FUBP3: variants seen among roughly 807,000 people sequenced by gnomAD.
FUBP3 encodes the protein far upstream element binding protein 3.
Under a neutral mutation model 85.6 loss-of-function variants are expected in FUBP3, and 28 were observed. That is an observed-to-expected ratio of 0.33 (90% CI 0.24 to 0.45). The LOEUF (loss-of-function observed/expected upper bound fraction) is 0.45, where lower values mean the gene tolerates loss of function less well. FUBP3 is among the 20% of genes least tolerant of loss of function. FUBP3 has a pLI of 1.00. For synonymous variants in FUBP3, 271 were observed against 271.4 expected, an observed-to-expected ratio of 1.00 and a Z score of 0.01; for missense variants, 583 against 755.1, an observed-to-expected ratio of 0.77 and a Z score of 2.67.
intron 2 of FUBP3, among the ~76,000 whole-genome samples, chr9:130,602,280 G>A (rs1256947245): frequency 6.6e-6 from 1 of 152,184 alleles, no homozygotes; most frequent in Non-Finnish European, 1.5e-5. Flanking sequence ...GGGAACTGCT[G>A]TATTCTTACG....
intron 1 of FUBP3, among the ~76,000 whole-genome samples, chr9:130,589,738 G>T (rs1213433436): frequency 9.3e-6 from 1 of 107,416 alleles, no homozygotes; most frequent in Non-Finnish European, 1.7e-5. Flanking sequence ...TAAGAGACAG[G>T]GTCTTGTACC....
chr9:130,594,348 C>T (rs1410766198), intron 1 of FUBP3, among the ~76,000 whole-genome samples: 1 of 151,650 alleles, frequency 6.6e-6, no homozygotes, highest in African/African-American at 2.4e-5. Context: ...TTTGGGAGGC[C>T]GAGGCAGGCA....
At chr9:130,589,059 A>C (rs557738779) in intron 1 of FUBP3, among the ~76,000 whole-genome samples, 2 of 152,268 alleles carry the variant, frequency 1.3e-5, no homozygotes, top group South Asian at 4.1e-4. Context: ...TAGCAGGGAC[A>C]CATATGTGGA....
At chr9:130,617,935 G>A (rs768664962) in intron 8 of FUBP3, 40 bp downstream of exon 8, 111 of 937,136 alleles carry the variant, frequency 1.2e-4, no homozygotes, top group Non-Finnish European at 1.7e-6. Context: ...CTGGCTGTTG[G>A]GGCTATCACT....
chr9:130,624,609 T>TTGTGTG lies in FUBP3; in HGVS notation c.975+936_975+941dup, dbSNP rs138986229. ...AACTTTCTTAAAATGTTACAAGATT[T>TTGTGTG]TGTGTGTGTGTGTGTGTGTGTGTGT... On this transcript the variant is annotated intron_variant, in intron 11 of 18. Coordinates refer to ENST00000319725, the MANE Select transcript of FUBP3 (RefSeq NM_003934.2). Among the ~76,000 whole-genome samples the TTGTGTG allele has an allele frequency of 8.9e-3, 1,283 of 143,944 alleles. 9 individuals are homozygous for TTGTGTG. The highest frequency in any genetic ancestry group is 0.021 in the East Asian group (99 of 4,744). The allele number at this position is 143,944 out of a possible 152,430, so 94.4% of individuals were successfully genotyped here.
chr9:130,627,922 GGTCCTCCACAAA>G (rs375912852), intron 12 of FUBP3, among the ~76,000 whole-genome samples: 5 of 152,214 alleles, frequency 3.3e-5, no homozygotes, highest in African/African-American at 1.2e-4. Flanking sequence ...CCTCGTAGTT[GGTCCTCCACAAA>G]GTCATCCTGA....
At chr9:130,598,998 G>A (rs990510168) in intron 2 of FUBP3, among the ~76,000 whole-genome samples, 5 of 151,962 alleles carry the variant, frequency 3.3e-5, no homozygotes, top group African/African-American at 4.8e-5. Context: ...CCGTATTTCC[G>A]AAAAATAAAT....
At position 130,637,800 on chromosome 9, in the gene FUBP3, A is replaced by G; in HGVS notation, c.*778A>G. ...AACCTTTCTCTATTATCTCAGAAATATAAATACTGTTATTTTTAATATTAA... is the reference window on the plus strand; with the variant it reads ...AACCTTTCTCTATTATCTCAGAAATGTAAATACTGTTATTTTTAATATTAA... On this transcript the variant is annotated 3_prime_UTR_variant, in exon 19 of 19. Coordinates refer to ENST00000319725, the MANE Select transcript of FUBP3 (RefSeq NM_003934.2). 1 of 152,648 alleles carries G rather than the reference A, an allele frequency of 6.6e-6. No individual in the cohort carries two copies. The highest frequency in any genetic ancestry group is 1.9e-4 in the East Asian group (1 of 5,208). 9.5% of individuals were successfully genotyped at this position (152,648 alleles called of 1,614,324 possible). A position where few individuals can be genotyped will look rare whatever the true frequency, so the allele number is the denominator to read the frequency against.
intron 8 of FUBP3, among the ~76,000 whole-genome samples, chr9:130,618,142 G>A (rs543315651): frequency 1.3e-5 from 2 of 152,238 alleles, no homozygotes; most frequent in South Asian, 2.1e-4. Flanking sequence ...CATTTACACC[G>A]GCCATATCTC....
chr9:130,624,609 T>TTGTGTGTG (rs138986229), intron 11 of FUBP3, among the ~76,000 whole-genome samples: 1,720 of 143,926 alleles, frequency 0.012, 36 homozygotes, highest in East Asian at 0.1. Flanking sequence ...TTACAAGATT[T>TTGTGTGTG]TGTGTGTGTG....
chr9:130,614,138 T>C, intron 5 of FUBP3, 150 bp from the exon 6 acceptor site: 1 of 538,738 alleles, frequency 1.9e-6, no homozygotes, highest in Non-Finnish European at 3.4e-6. Flanking sequence ...CTTAATATTC[T>C]GTCCACAAGT....
At chr9:130,580,437 A>G (rs969459077) in intron 1 of FUBP3, among the ~76,000 whole-genome samples, 1 of 152,228 alleles carries the variant, frequency 6.6e-6, no homozygotes, top group African/African-American at 2.4e-5. Flanking sequence ...GCTTCCCCAG[A>G]GAGTGAATAT....
At position 130,598,581 on chromosome 9, in the gene FUBP3, G is replaced by A. The variant is rs567806631; in HGVS notation, c.190+2993G>A. On this transcript the variant is annotated intron_variant, in intron 2 of 18. Coordinates refer to ENST00000319725, the MANE Select transcript of FUBP3 (RefSeq NM_003934.2). ...ACTTTGCATTACAGCTTTCTGCTAAGGCAAAAATGCAGTTAATGCAATCAT... is the reference window on the plus strand; with the variant it reads ...ACTTTGCATTACAGCTTTCTGCTAAAGCAAAAATGCAGTTAATGCAATCAT... 2.6e-5 allele frequency among the ~76,000 whole-genome samples: 4 copies of A among 152,308 alleles called. No individual in the cohort carries two copies. The South Asian group carries it at 8.3e-4, about 32-fold the overall frequency.
At position 130,634,733 on chromosome 9, in the gene FUBP3, A is replaced by G; in HGVS notation, c.1577A>G (p.Lys526Arg). The G allele has an allele frequency of 6.2e-7, 1 of 1,613,328 alleles. No homozygotes were observed. ...YSKAWEDYYK[K>R]QSHAASAAPQ... Reference sequence around the variant, plus strand: ...AAGGCCTGGGAAGACTATTACAAAAAACAGAGTGAGTGCCCGGCCCTCCTA... The same window carrying G: ...AAGGCCTGGGAAGACTATTACAAAAGACAGAGTGAGTGCCCGGCCCTCCTA... The change falls in exon 17 of 19, where the codon AAA becomes AGA. Residue 526 changes from lysine (K) to arginine (R), a missense_variant. Physicochemically the swap from Lys to Arg is conservative, Grantham distance 26. Around this residue, in one of 3 missense-constraint regions of FUBP3, gnomAD observed 404 missense variants for 516.8 expected, o/e 0.78. Coordinates refer to ENST00000319725, the MANE Select transcript of FUBP3 (RefSeq NM_003934.2).
At chr9:130,619,302 CA>C (rs374981224) in intron 8 of FUBP3, among the ~76,000 whole-genome samples, 2,427 of 134,780 alleles carry the variant, frequency 0.018, 65 homozygotes, top group African/African-American at 0.069. Flanking sequence ...CTGTATATTT[CA>C]TTTTTTTTTT....
chr9:130,605,513 T>C (rs1170014813), intron 2 of FUBP3, among the ~76,000 whole-genome samples: 3 of 152,216 alleles, frequency 2.0e-5, no homozygotes, highest in Non-Finnish European at 1.5e-5. Flanking sequence ...TTGGGTGCAG[T>C]GTGATCGCAC....
intron 1 of FUBP3, among the ~76,000 whole-genome samples, chr9:130,592,355 C>CT (rs1439735811): frequency 1.3e-5 from 2 of 152,192 alleles, no homozygotes. Flanking sequence ...GAGTCTCACT[C>CT]TGAGATGAGT....
intron 9 of FUBP3, among the ~76,000 whole-genome samples, chr9:130,622,456 A>C (rs370267964): frequency 6.6e-6 from 1 of 152,044 alleles, no homozygotes; most frequent in African/African-American, 2.4e-5. Context: ...GCAAGGTGAA[A>C]TCTCATCTGT....
At chr9:130,591,530 A>G (rs79283057) in intron 1 of FUBP3, among the ~76,000 whole-genome samples, 8 of 152,358 alleles carry the variant, frequency 5.3e-5, no homozygotes, top group African/African-American at 1.7e-4. Flanking sequence ...ATGTGGAAGA[A>G]TGAAGGAGTA....
Sources: allele counts gnomAD v4.1 joint callset (sites outside exome capture counted in the v4.1 genomes callset), GRCh38; gene constraint gnomAD v4.1.1; regional missense constraint gnomAD v4.1.1; transcripts MANE v1.5; gene names NCBI Gene and HGNC (gene_info 2026-07-23, HGNC 2026-07-21).